The following TEX36 variants were observed in gnomAD, a reference collection of about 807,000 sequenced individuals.
TEX36 encodes testis expressed 36.
TEX36 carries 12 observed loss-of-function variants against 13.6 expected under a neutral mutation model. That is an observed-to-expected ratio of 0.88 (90% CI 0.56 to 1.43). The LOEUF is 1.43. Among genes scored for constraint, TEX36 ranks in the 40% most tolerant of loss-of-function variants. TEX36 has a pLI of 0.00. For synonymous variants in TEX36, 93 were observed against 83.0 expected (o/e 1.12, Z -0.65); for missense variants, 224 against 228.3 (o/e 0.98, Z 0.12).
intron 3 of TEX36, among the ~76,000 whole-genome samples, chr10:125,589,838 T>A (rs1381488660): frequency 6.6e-6 from 1 of 152,204 alleles, no homozygotes; most frequent in Non-Finnish European, 1.5e-5. Context: ...ATCAGAATAA[T>A]ATTGTCTGAT....
chr10:125,583,446 G>T (rs1433135785), intron 3 of TEX36, among the ~76,000 whole-genome samples: 1 of 151,874 alleles, frequency 6.6e-6, no homozygotes, highest in Admixed American at 6.6e-5. Context: ...ATAGCAGAAA[G>T]GGTGGAAGAA....
chr10:125,645,598 G>A (rs931657291), intron 3 of TEX36, among the ~76,000 whole-genome samples: 2 of 152,092 alleles, frequency 1.3e-5, no homozygotes, highest in African/African-American at 4.8e-5. Flanking sequence ...AATTACACTT[G>A]TAGTTTATAA....
At chr10:125,603,036 A>G (rs762520718) in intron 3 of TEX36, among the ~76,000 whole-genome samples, 6 of 152,174 alleles carry the variant, frequency 3.9e-5, no homozygotes, top group South Asian at 2.1e-4. Context: ...GGTGCCATGC[A>G]TGGAGAGGTG....
intron 3 of TEX36, 53 bp from the exon 4 acceptor site, chr10:125,656,249 CTTTTTT>C (rs66461124): frequency 1.3e-3 from 339 of 262,420 alleles, no homozygotes; most frequent in East Asian, 5.2e-3. Flanking sequence ...TCACATAGTT[CTTTTTT>C]TTTTTTTTTT....
Position 125,683,084 on chromosome 10 carries a change from C to T in TEX36, c.-95G>A. ...AGCTGCTTCCTAAACTTCATAAGCT[C>T]TACACGTCTGGGAAGCTCCTCCTCC... On this transcript the variant is annotated 5_prime_UTR_variant, in exon 1 of 4. Transcript: ENST00000368821. The T allele has an allele frequency of 1.5e-6, 2 of 1,369,774 alleles. No individual in the cohort carries two copies. Among genetic ancestry groups the T allele is most frequent in the Non-Finnish European group, 2.0e-6 (2 of 981,358 alleles). The allele number at this position is 1,369,774 out of a possible 1,614,324, so 84.9% of individuals were successfully genotyped here.
Position 125,591,959 on chromosome 10 carries a change from G to A in TEX36, c.265-15085C>T, listed in dbSNP as rs145174016. Among the ~76,000 whole-genome samples, 519 of 152,248 alleles carry A rather than the reference G, an allele frequency of 3.4e-3. 5 individuals carry two copies. The highest frequency in any genetic ancestry group is 0.012 in the African/African-American group (483 of 41,556). ...ACAATATTTTCACAGAGTGACAGTC[G>A]TAATCAAGTCCTAACAAATGATTGT... On this transcript the variant is annotated intron_variant, in intron 3 of 3. Coordinates refer to the TEX36 transcript ENST00000532135.
intron 1 of TEX36, among the ~76,000 whole-genome samples, chr10:125,675,788 T>A (rs1847301568): frequency 6.6e-6 from 1 of 152,168 alleles, no homozygotes; most frequent in Admixed American, 6.5e-5. Context: ...TTTTCATTCT[T>A]CTCAGTAGGA....
intron 3 of TEX36, among the ~76,000 whole-genome samples, chr10:125,600,819 G>A (rs75237104): frequency 0.01 from 1,581 of 152,300 alleles, 29 homozygotes; most frequent in African/African-American, 0.036. Flanking sequence ...AGGGTACATG[G>A]AGCCCTGTCT....
chr10:125,651,241 T>A (rs1340140196), downstream of TEX36, among the ~76,000 whole-genome samples: 2 of 151,984 alleles, frequency 1.3e-5, no homozygotes, highest in Admixed American at 1.3e-4. Flanking sequence ...CATGCAAAAA[T>A]CCTCAATAAA....
intron 3 of TEX36, among the ~76,000 whole-genome samples, chr10:125,577,150 AC>A (rs973685588): frequency 1.6e-4 from 24 of 152,118 alleles, no homozygotes; most frequent in African/African-American, 5.8e-4. Context: ...CAGGGTTGAA[AC>A]CAGGAAGGAA....
intron 3 of TEX36, among the ~76,000 whole-genome samples, chr10:125,608,581 C>T (rs1445065263): frequency 6.6e-6 from 1 of 152,164 alleles, no homozygotes; most frequent in Non-Finnish European, 1.5e-5. Flanking sequence ...CCCTACATGT[C>T]TAGTGTCTGG....
At chr10:125,641,095 A>G (rs1846685060) in intron 3 of TEX36, among the ~76,000 whole-genome samples, 2 of 152,120 alleles carry the variant, frequency 1.3e-5, no homozygotes, top group Admixed American at 1.3e-4. Context: ...CTGAACTTTG[A>G]TTGGAGCTGC....
intron 1 of TEX36, chr10:125,666,989 T>C: frequency 7.2e-7 from 1 of 1,379,796 alleles, no homozygotes; most frequent in Non-Finnish European, 9.8e-7. Context: ...ACTTGACTCC[T>C]CCTGGGCAGC....
At chr10:125,613,319 G>A (rs1267137939) in intron 3 of TEX36, among the ~76,000 whole-genome samples, 5 of 139,108 alleles carry the variant, frequency 3.6e-5, no homozygotes, top group Admixed American at 3.2e-4. Context: ...TAGGGTACAT[G>A]TGCACCATGT....
intron 3 of TEX36, among the ~76,000 whole-genome samples, chr10:125,636,146 A>G (rs1846620737): frequency 6.6e-6 from 1 of 151,096 alleles, no homozygotes; most frequent in Admixed American, 6.6e-5. Context: ...AAGTGCTGGG[A>G]TTATAGGCGT....
At chr10:125,618,486 T>A, downstream of TEX36, among the ~76,000 whole-genome samples, 1 of 152,198 alleles carries the variant, frequency 6.6e-6, no homozygotes, top group Non-Finnish European at 1.5e-5. Context: ...CCTTTCTGTT[T>A]GTTAGTTTTC....
chr10:125,602,248 T>G (rs879811238), intron 3 of TEX36, among the ~76,000 whole-genome samples: 8 of 152,222 alleles, frequency 5.3e-5, no homozygotes, highest in Non-Finnish European at 1.0e-4. Flanking sequence ...ACCCATCTCC[T>G]GGCAGGTACA....
At chr10:125,580,327 A>T (rs1388679808) in intron 3 of TEX36, among the ~76,000 whole-genome samples, 1 of 152,224 alleles carries the variant, frequency 6.6e-6, no homozygotes, top group Non-Finnish European at 1.5e-5. Context: ...AAAAATATTT[A>T]AAAACTTTCC....
At chr10:125,619,116 C>T (rs886950643), downstream of TEX36, among the ~76,000 whole-genome samples, 90 of 150,632 alleles carry the variant, frequency 6.0e-4, 2 homozygotes, top group East Asian at 3.9e-4. Flanking sequence ...GGTGAAAGTG[C>T]GAGACTCCAT....
Sources: gnomAD v4.1 joint callset for allele counts (sites outside exome capture counted in the v4.1 genomes callset) on GRCh38, gnomAD v4.1.1 for gene constraint, MANE v1.5 for transcripts, NCBI Gene and HGNC (gene_info 2026-07-23, HGNC 2026-07-21) for gene names.